The following VEGFC variants were observed in gnomAD, a reference collection of about 807,000 sequenced individuals.
The protein encoded by VEGFC is vascular endothelial growth factor C.
Under a neutral mutation model 46.1 loss-of-function variants are expected in VEGFC, and 12 were observed. The observed-to-expected ratio is 0.26, with a 90% CI of 0.17 to 0.42. The LOEUF (loss-of-function observed/expected upper bound fraction) is 0.42. Ranked by LOEUF, VEGFC falls within the 10% of genes least tolerant of loss-of-function variation. The pLI, the probability that VEGFC is intolerant of heterozygous loss-of-function variation, is 1.00. For synonymous variants in VEGFC, 232 were observed against 195.5 expected (o/e 1.19, Z -1.56); for missense variants, 488 against 529.4 (o/e 0.92, Z 0.77).
At chr4:176,688,526 C>G (rs1734087978) in intron 4 of VEGFC, among the ~76,000 whole-genome samples, 2 of 152,128 alleles carry the variant, frequency 1.3e-5, no homozygotes, top group Admixed American at 1.3e-4. Context: ...ACTCTGTACT[C>G]CCCCAAAAAG....
intron 1 of VEGFC, among the ~76,000 whole-genome samples, chr4:176,785,595 A>G (rs544922068): frequency 1.3e-5 from 2 of 151,982 alleles, no homozygotes; most frequent in South Asian, 4.2e-4. Flanking sequence ...CAGATTTTAA[A>G]AAGCAGGAAT....
chr4:176,694,046 C>T (rs1022188078), intron 4 of VEGFC, among the ~76,000 whole-genome samples: 30 of 151,424 alleles, frequency 2.0e-4, no homozygotes, highest in African/African-American at 6.8e-4. Context: ...TAAAGACCAT[C>T]GAGACTAGGA....
At chr4:176,762,919 T>C (rs947295876) in intron 1 of VEGFC, among the ~76,000 whole-genome samples, 1 of 152,138 alleles carries the variant, frequency 6.6e-6, no homozygotes, top group Admixed American at 6.5e-5. Flanking sequence ...CTAGAACAAA[T>C]CTATAGTGTC....
At chr4:176,777,143 C>A (rs1735827258) in intron 1 of VEGFC, among the ~76,000 whole-genome samples, 1 of 147,956 alleles carries the variant, frequency 6.8e-6, no homozygotes, top group South Asian at 2.1e-4. Context: ...GAAACCCCAT[C>A]TCTACTAAAA....
chr4:176,698,155 T>C (rs1354853005), intron 4 of VEGFC, among the ~76,000 whole-genome samples: 2 of 150,364 alleles, frequency 1.3e-5, no homozygotes, highest in African/African-American at 4.9e-5. Context: ...AAAATAATAA[T>C]AATAATAATA....
intron 1 of VEGFC, among the ~76,000 whole-genome samples, chr4:176,746,901 AATTT>A (rs1235406956): frequency 6.6e-6 from 1 of 152,162 alleles, no homozygotes; most frequent in Non-Finnish European, 1.5e-5. Flanking sequence ...CTGTTTGCTG[AATTT>A]ATTAACCAGA....
intron 1 of VEGFC, among the ~76,000 whole-genome samples, chr4:176,767,123 T>TAAAAAAAAAAAAAAAA (rs70964805): frequency 4.0e-5 from 2 of 50,478 alleles, no homozygotes; most frequent in East Asian, 7.8e-4. Context: ...TGTAGAAATC[T>TAAAAAAAAAAAAAAAA]AAAAAAAAAA....
intron 1 of VEGFC, among the ~76,000 whole-genome samples, chr4:176,791,925 C>T (rs1469450787): frequency 6.6e-6 from 1 of 152,202 alleles, no homozygotes; most frequent in Non-Finnish European, 1.5e-5. Context: ...ATTTCGGGAT[C>T]TCTCACTGGG....
At chr4:176,786,794 T>C (rs991146747) in intron 1 of VEGFC, among the ~76,000 whole-genome samples, 2 of 152,054 alleles carry the variant, frequency 1.3e-5, no homozygotes, top group African/African-American at 4.8e-5. Context: ...TACTAATGGG[T>C]AAAAAGGAAT....
At chr4:176,771,538 G>A (rs1021185179) in intron 1 of VEGFC, among the ~76,000 whole-genome samples, 4 of 152,092 alleles carry the variant, frequency 2.6e-5, no homozygotes, top group Non-Finnish European at 4.4e-5. Flanking sequence ...CATCATAAAT[G>A]CACTAAATGC....
intron 1 of VEGFC, among the ~76,000 whole-genome samples, chr4:176,788,789 G>T (rs765195699): frequency 1.7e-4 from 26 of 151,854 alleles, no homozygotes; most frequent in Non-Finnish European, 3.2e-4. Context: ...TCTAAGTCGG[G>T]GACTGTTGGT....
rs573814691 is a variant in VEGFC, at chr4:176,737,016, A to G, written c.148-7270T>C. Among the ~76,000 whole-genome samples, 21 of 151,130 alleles carry G rather than the reference A, an allele frequency of 1.4e-4. No individual in the cohort carries two copies. The South Asian group carries it at 3.8e-3, about 27-fold the overall frequency. On this transcript the variant is annotated intron_variant, in intron 1 of 6. Transcript: ENST00000618562. The stretch of plus-strand genomic sequence containing the variant: ...TTTTAAGTATTCTTAAACAAAATAT[A>G]TATCAGTATATAAATTTTAAGTGGT...
chr4:176,740,232 CTATATATAGAATA>C lies in VEGFC; in HGVS notation c.148-10499_148-10487del, dbSNP rs1307873298. Among the ~76,000 whole-genome samples the C allele has an allele frequency of 5.8e-3, 649 of 112,498 alleles. 3 individuals carry two copies. Among genetic ancestry groups the C allele is most frequent in the African/African-American group, 0.022 (613 of 27,830 alleles). The allele number at this position is 112,498 out of a possible 152,430, so 73.8% of individuals were successfully genotyped here. A position where few individuals can be genotyped will look rare whatever the true frequency, so the allele number is the denominator to read the frequency against. On this transcript the variant is annotated intron_variant, in intron 1 of 6. Coordinates refer to ENST00000618562, the MANE Select transcript of VEGFC (RefSeq NM_005429.5). ...ATATATCTATATATAGAATATATAA[CTATATATAGAATA>C]TATATATAGAATATATATAACTATA...
At chr4:176,776,409 G>T (rs1735814098) in intron 1 of VEGFC, among the ~76,000 whole-genome samples, 2 of 152,214 alleles carry the variant, frequency 1.3e-5, no homozygotes, top group African/African-American at 4.8e-5. Context: ...TTTTAAACTG[G>T]GTACATGTGA....
chr4:176,781,012 G>A (rs1735905717), intron 1 of VEGFC, among the ~76,000 whole-genome samples: 1 of 152,180 alleles, frequency 6.6e-6, no homozygotes, highest in Non-Finnish European at 1.5e-5. Context: ...CTCTAACAGA[G>A]CAGGCTTCAC....
At chr4:176,737,234 A>G (rs1735070868) in intron 1 of VEGFC, among the ~76,000 whole-genome samples, 1 of 147,850 alleles carries the variant, frequency 6.8e-6, no homozygotes, top group Non-Finnish European at 1.5e-5. Context: ...AATATTCTAT[A>G]TTTATTAACA....
intron 4 of VEGFC, among the ~76,000 whole-genome samples, chr4:176,707,905 T>C (rs1049519458): frequency 7.9e-5 from 12 of 152,148 alleles, no homozygotes; most frequent in African/African-American, 2.9e-4. Flanking sequence ...TTGCTTATGC[T>C]TGGTCCTTGG....
intron 1 of VEGFC, among the ~76,000 whole-genome samples, chr4:176,755,059 T>A (rs886092197): frequency 6.6e-5 from 10 of 152,198 alleles, no homozygotes; most frequent in Non-Finnish European, 1.2e-4. Context: ...GTAATTTCTA[T>A]ATTTCACAGT....
chr4:176,707,783 G>A (rs1734559934), intron 4 of VEGFC, among the ~76,000 whole-genome samples: 1 of 152,088 alleles, frequency 6.6e-6, no homozygotes, highest in African/African-American at 2.4e-5. Flanking sequence ...AAATTATGGT[G>A]ACTAGATGGC....
Sources: gnomAD v4.1 joint callset for allele counts (sites outside exome capture counted in the v4.1 genomes callset) on GRCh38, gnomAD v4.1.1 for gene constraint, MANE v1.5 for transcripts, NCBI Gene and HGNC (gene_info 2026-07-23, HGNC 2026-07-21) for gene names.